The following ACYP2 variants were observed in gnomAD, a reference collection of about 807,000 sequenced individuals.
ACYP2 encodes the protein acylphosphatase 2.
In ACYP2, 12 loss-of-function variants were observed where a neutral mutation model predicts 11.2. That is an observed-to-expected ratio of 1.08 (90% confidence interval 0.69 to 1.74). ACYP2 has a LOEUF of 1.74. Ranked by LOEUF, ACYP2 falls within the 40% of genes most tolerant of loss-of-function variation. The pLI is 0.00. For missense variants in ACYP2, 134 were observed against 101.9 expected (o/e 1.31, Z -1.35); for synonymous variants, 43 against 32.2 (o/e 1.33, Z -1.13).
At chr2:54,027,855 T>TA (rs1674380942) in intron 2 of ACYP2, among the ~76,000 whole-genome samples, 1 of 147,908 alleles carries the variant, frequency 6.8e-6, no homozygotes, top group Non-Finnish European at 1.5e-5. Flanking sequence ...TTTTTTTTTT[T>TA]TTGAGACAGA....
chr2:54,061,375 G>A (rs1558501763), intron 4 of ACYP2, among the ~76,000 whole-genome samples: 1 of 152,114 alleles, frequency 6.6e-6, no homozygotes, highest in Non-Finnish European at 1.5e-5. Flanking sequence ...TGGTGGGGCT[G>A]CCCACCAGAC....
intron 6 of ACYP2, among the ~76,000 whole-genome samples, chr2:54,224,882 T>C: frequency 6.6e-6 from 1 of 152,332 alleles, no homozygotes; most frequent in East Asian, 1.9e-4. Flanking sequence ...TAACGTACAG[T>C]ACCTACAGAC....
chr2:54,165,309 C>T (rs1682902705), intron 6 of ACYP2, among the ~76,000 whole-genome samples: 1 of 152,120 alleles, frequency 6.6e-6, no homozygotes, highest in African/African-American at 2.4e-5. Context: ...GGTCCTCTGC[C>T]TTATTTCCTG....
intron 6 of ACYP2, among the ~76,000 whole-genome samples, chr2:54,179,590 C>A (rs1243905415): frequency 6.6e-6 from 1 of 152,066 alleles, no homozygotes; most frequent in Non-Finnish European, 1.5e-5. Flanking sequence ...TTCATGCCTC[C>A]CTTTTTTAGA....
chr2:54,168,774 G>A (rs1558583780), intron 6 of ACYP2, among the ~76,000 whole-genome samples: 1 of 152,142 alleles, frequency 6.6e-6, no homozygotes, highest in Non-Finnish European at 1.5e-5. Flanking sequence ...TGATAAAACA[G>A]GAAGACTGTA....
chr2:54,033,211 T>C (rs1444045617), intron 2 of ACYP2, among the ~76,000 whole-genome samples: 1 of 151,764 alleles, frequency 6.6e-6, no homozygotes, highest in Non-Finnish European at 1.5e-5. Flanking sequence ...TTTTTTTTTT[T>C]TTTTGAGACA....
At chr2:54,162,545 G>C (rs906007370) in intron 6 of ACYP2, among the ~76,000 whole-genome samples, 1 of 152,130 alleles carries the variant, frequency 6.6e-6, no homozygotes, top group Non-Finnish European at 1.5e-5. Flanking sequence ...TAGAAATGCA[G>C]ATTCTCGGCT....
chr2:54,186,616 T>G (rs1046749463), intron 6 of ACYP2, among the ~76,000 whole-genome samples: 1 of 152,022 alleles, frequency 6.6e-6, no homozygotes, highest in East Asian at 1.9e-4. Context: ...CAGGTTCAAG[T>G]GATTCTTCTG....
intron 6 of ACYP2, among the ~76,000 whole-genome samples, chr2:54,293,236 T>C (rs1022901625): frequency 2.0e-5 from 3 of 152,172 alleles, no homozygotes; most frequent in Non-Finnish European, 4.4e-5. Flanking sequence ...CCATTACCAC[T>C]GTGCCAGCAC....
At chr2:53,974,157 G>A (rs938759425) in intron 2 of ACYP2, among the ~76,000 whole-genome samples, 10 of 151,498 alleles carry the variant, frequency 6.6e-5, no homozygotes, top group East Asian at 1.9e-4. Context: ...CTCGTGATCC[G>A]CCCGCCTTGG....
At position 53,973,737 on chromosome 2, in the gene ACYP2, A is replaced by G. The variant is rs1671294408; in HGVS notation, c.-12A>G. 4 of 325,724 alleles carry G rather than the reference A, an allele frequency of 1.2e-5. No individual in the cohort carries two copies. Among genetic ancestry groups the G allele is most frequent in the Non-Finnish European group, 2.2e-5 (4 of 180,074 alleles). The allele number at this position is 325,724 out of a possible 1,614,324, so 20.2% of individuals were successfully genotyped here. A position where few individuals can be genotyped will look rare whatever the true frequency, so the allele number is the denominator to read the frequency against. ...GACTCAGCCTGCCTGCACCCAGGTG[A>G]AATAAACAGCCATGTTGCTCACACA... On this transcript the variant is annotated 5_prime_UTR_variant, in exon 2 of 7. Coordinates refer to ENST00000607452, the MANE Select transcript of ACYP2 (RefSeq NM_001320586.2).
At chr2:54,264,173 G>A (rs1687913445) in intron 6 of ACYP2, among the ~76,000 whole-genome samples, 1 of 152,152 alleles carries the variant, frequency 6.6e-6, no homozygotes, top group African/African-American at 2.4e-5. Context: ...GTGGGTTCGT[G>A]GTCTCGCTTG....
chr2:54,023,036 C>A (rs563611803), intron 2 of ACYP2, among the ~76,000 whole-genome samples: 14 of 152,264 alleles, frequency 9.2e-5, no homozygotes, highest in African/African-American at 2.6e-4. Context: ...AGTTTGTATT[C>A]TTTTCTCTTG....
intron 2 of ACYP2, among the ~76,000 whole-genome samples, chr2:54,043,175 A>C (rs1016881140): frequency 1.8e-4 from 28 of 152,174 alleles, no homozygotes; most frequent in African/African-American, 6.5e-4. Flanking sequence ...GGTTGAGTTC[A>C]GGATTGCCAA....
chr2:54,179,782 G>C (rs1423321220), intron 6 of ACYP2, among the ~76,000 whole-genome samples: 1 of 152,100 alleles, frequency 6.6e-6, no homozygotes, highest in Non-Finnish European at 1.5e-5. Flanking sequence ...TGTATCTTGT[G>C]CTGACCTCCT....
intron 4 of ACYP2, among the ~76,000 whole-genome samples, chr2:54,071,105 T>A (rs569444336): frequency 6.6e-6 from 1 of 152,258 alleles, no homozygotes; most frequent in South Asian, 2.1e-4. Context: ...GATAATAGCA[T>A]GCAATAAATT....
chr2:54,197,190 A>C (rs1397455072), intron 6 of ACYP2, among the ~76,000 whole-genome samples: 1 of 152,198 alleles, frequency 6.6e-6, no homozygotes, highest in Non-Finnish European at 1.5e-5. Context: ...GGGGAGAATG[A>C]AACAGGGAAG....
intron 6 of ACYP2, among the ~76,000 whole-genome samples, chr2:54,221,673 A>C (rs1307483373): frequency 6.6e-6 from 1 of 151,968 alleles, no homozygotes; most frequent in Non-Finnish European, 1.5e-5. Context: ...GGTGTGTGCC[A>C]CCACACCTGG....
At chr2:54,070,305 A>G (rs1371427660) in intron 4 of ACYP2, among the ~76,000 whole-genome samples, 1 of 152,066 alleles carries the variant, frequency 6.6e-6, no homozygotes, top group Non-Finnish European at 1.5e-5. Context: ...AAGAAAAAAT[A>G]CATGTGGAAT....
Sources: gnomAD v4.1 joint callset for allele counts (sites outside exome capture counted in the v4.1 genomes callset) on GRCh38, gnomAD v4.1.1 for gene constraint, MANE v1.5 for transcripts, NCBI Gene and HGNC (gene_info 2026-07-23, HGNC 2026-07-21) for gene names.